Variants in E2F2 observed in about 807,000 individuals in gnomAD.
The protein encoded by E2F2 is transcription factor E2F2.
E2F2 carries 22 observed loss-of-function variants against 42.2 expected under a neutral mutation model. That is an observed-to-expected ratio of 0.52 (90% CI 0.37 to 0.74). The LOEUF is 0.74. Among genes scored for constraint, E2F2 ranks in the 30% least tolerant of loss-of-function variants. The pLI, the probability that E2F2 is intolerant of heterozygous loss-of-function variation, is 0.00. For missense variants in E2F2, 481 were observed against 557.8 expected (o/e 0.86, Z 1.39); for synonymous variants, 248 against 251.6 (o/e 0.99, Z 0.13).
chr1:23,506,569 CT>C lies in E2F2; in HGVS notation c.*3310del, dbSNP rs1216427434. 6.6e-6 allele frequency: 1 copy of C among 152,306 alleles called. No homozygotes were observed. Among genetic ancestry groups the C allele is most frequent in the African/African-American group, 2.4e-5 (1 of 41,470 alleles). 9.4% of individuals were successfully genotyped at this position (152,306 alleles called of 1,614,324 possible). On this transcript the variant is annotated 3_prime_UTR_variant, in exon 7 of 7. Transcript: ENST00000361729. ...AGTCCCAGCACGGGGACCATGTTCT[CT>C]CGGTTCCAGCTCACCCTCGAAAAGT...
intron 5 of E2F2, among the ~76,000 whole-genome samples, chr1:23,517,817 T>C (rs1179522591): frequency 6.6e-6 from 1 of 152,144 alleles, no homozygotes; most frequent in East Asian, 1.9e-4. Context: ...GTAGGATGAA[T>C]AGCGGTAAAT....
chr1:23,516,303 C>G, intron 6 of E2F2, 32 bp downstream of exon 6: 2 of 1,452,934 alleles, frequency 1.4e-6, no homozygotes, highest in Non-Finnish European at 1.8e-6. Context: ...GTCTCTCCCC[C>G]CACCTCCTGT....
In E2F2 at chr1:23,530,865, C is replaced by T. The variant is rs944274893; in HGVS notation, c.-72G>A. 7.1e-7 allele frequency: 1 copy of T among 1,408,612 alleles called. No homozygotes were observed. The highest frequency in any genetic ancestry group is 2.7e-5 in the East Asian group (1 of 37,532). The allele number at this position is 1,408,612 out of a possible 1,614,324, so 87.3% of individuals were successfully genotyped here. On this transcript the variant is annotated 5_prime_UTR_variant, in exon 1 of 7. Coordinates refer to ENST00000361729, the MANE Select transcript of E2F2 (RefSeq NM_004091.4). This position sits in a 1 kb window ranked among gnomAD's most constrained non-coding sequence, Gnocchi z 4.4. ...ACACCTGCGGGTTCCGGTGCTGCCG[C>T]CTTTCACACGGCCCGCGGCATGGCG...
At chr1:23,516,810 G>GGGGGC (rs1643032331) in intron 5 of E2F2, among the ~76,000 whole-genome samples, 1 of 132,670 alleles carries the variant, frequency 7.5e-6, no homozygotes, top group African/African-American at 2.6e-5. Flanking sequence ...GGGGGGGGGG[G>GGGGGC]GCAGCACCCT....
intron 6 of E2F2, among the ~76,000 whole-genome samples, chr1:23,515,982 G>C (rs917181139): frequency 6.6e-6 from 1 of 152,172 alleles, no homozygotes; most frequent in Non-Finnish European, 1.5e-5. Flanking sequence ...GATTATAGGC[G>C]TGAGCTATAT....
chr1:23,509,568 G>T lies in E2F2; in HGVS notation c.*312C>A, dbSNP rs1002873666. ...CCTAATTACCCCTCAAAAGGAGGTAGCAGGGCCTTTCCCTGGACTTGGCCA... is the reference window on the plus strand; with the variant it reads ...CCTAATTACCCCTCAAAAGGAGGTATCAGGGCCTTTCCCTGGACTTGGCCA... On this transcript the variant is annotated 3_prime_UTR_variant, in exon 7 of 7. Transcript: ENST00000361729. The T allele has an allele frequency of 1.0e-4, 29 of 287,948 alleles. No individual in the cohort carries two copies. The highest frequency in any genetic ancestry group is 5.6e-4 in the African/African-American group (26 of 46,148). 17.8% of individuals were successfully genotyped at this position (287,948 alleles called of 1,614,324 possible).
intron 1 of E2F2, among the ~76,000 whole-genome samples, chr1:23,528,827 C>G (rs1380677188): frequency 6.6e-6 from 1 of 152,146 alleles, no homozygotes; most frequent in African/African-American, 2.4e-5. Flanking sequence ...GGAGAGTGGG[C>G]CTGCCGCAAA....
rs774857226 is a variant in E2F2, at chr1:23,509,859, G to T, written c.*21C>A. The T allele has an allele frequency of 4.6e-6, 7 of 1,522,816 alleles. No individual in the cohort carries two copies. Among genetic ancestry groups the T allele is most frequent in the East Asian group, 2.4e-5 (1 of 42,152 alleles). The allele number at this position is 1,522,816 out of a possible 1,614,324, so 94.3% of individuals were successfully genotyped here. A position where few individuals can be genotyped will look rare whatever the true frequency, so the allele number is the denominator to read the frequency against. ...GAGGAGGTAGAGTCGGGGGCAGGCTGCTGGGGGCAGGCAGGGCCACTCAAT... is the reference window on the plus strand; with the variant it reads ...GAGGAGGTAGAGTCGGGGGCAGGCTTCTGGGGGCAGGCAGGGCCACTCAAT... On this transcript the variant is annotated 3_prime_UTR_variant, in exon 7 of 7. Transcript: ENST00000361729.
At chr1:23,528,262 G>A (rs1203240153) in intron 1 of E2F2, among the ~76,000 whole-genome samples, 1 of 152,226 alleles carries the variant, frequency 6.6e-6, no homozygotes. Flanking sequence ...GAACTTGGTT[G>A]CCATCCTTGG....
At chr1:23,512,117 G>A (rs1642920760) in intron 6 of E2F2, among the ~76,000 whole-genome samples, 1 of 152,154 alleles carries the variant, frequency 6.6e-6, no homozygotes. Context: ...AGAATCATTG[G>A]AACCCAGGAG....
intron 1 of E2F2, among the ~76,000 whole-genome samples, chr1:23,527,475 GAGTAC>G (rs2124269564): frequency 6.6e-6 from 1 of 152,334 alleles, no homozygotes; most frequent in East Asian, 1.9e-4. Flanking sequence ...CTATGGAGAA[GAGTAC>G]AGCTCCTTCC....
intron 5 of E2F2, among the ~76,000 whole-genome samples, chr1:23,517,832 CAG>C (rs1196998491): frequency 6.6e-6 from 1 of 152,246 alleles, no homozygotes; most frequent in African/African-American, 2.4e-5. Context: ...GTAAATCAGG[CAG>C]AGAGGGAAGA....
Position 23,530,969 on chromosome 1 carries a change from G to A in E2F2, c.-176C>T. 1.4e-6 allele frequency: 1 copy of A among 728,566 alleles called. No individual in the cohort carries two copies. The allele number at this position is 728,566 out of a possible 1,614,324, so 45.1% of individuals were successfully genotyped here. A position where few individuals can be genotyped will look rare whatever the true frequency, so the allele number is the denominator to read the frequency against. The stretch of plus-strand genomic sequence containing the variant: ...CCCTCCTGGCCCGCGGCCGAGCAGA[G>A]AGCAGCGCTTAGAGATCGCCGCTTG... On this transcript the variant is annotated 5_prime_UTR_variant, in exon 1 of 7. Transcript: ENST00000361729. This position sits in a 1 kb window ranked among gnomAD's most constrained non-coding sequence, Gnocchi z 4.4.
intron 2 of E2F2, 145 bp from the exon 3 acceptor site, chr1:23,522,201 C>T: frequency 1.4e-6 from 1 of 713,004 alleles, no homozygotes; most frequent in Non-Finnish European, 2.3e-6. Context: ...CATCCATCAC[C>T]ACCACTGTCC....
chr1:23,509,924 C>T lies in E2F2; in HGVS notation c.1270G>A (p.Asp424Asn), dbSNP rs1223287456. The T allele has an allele frequency of 1.3e-6, 2 of 1,595,176 alleles. No individual in the cohort carries two copies. The highest frequency in any genetic ancestry group is 8.6e-7 in the Non-Finnish European group (1 of 1,169,458). ...WGLEAGEGIS[D>N]LFDSYDLGDL... The stretch of plus-strand genomic sequence containing the variant: ...CCAAGGTCGTAGGAGTCGAAGAGAT[C>T]GCTGATGCCCTCACCCGCCTCCAAG... The change falls in exon 7 of 7, where the codon GAT (aspartate) becomes AAT (asparagine). Residue 424 changes from aspartate (D) to asparagine (N), a missense_variant. Transcript: ENST00000361729.
intron 3 of E2F2, among the ~76,000 whole-genome samples, 182 bp from the exon 4 acceptor site, chr1:23,521,253 A>T (rs1442514991): frequency 6.6e-6 from 1 of 152,302 alleles, no homozygotes; most frequent in African/African-American, 2.4e-5. Flanking sequence ...AGAAAAAACA[A>T]GTCAAGACCT....
rs1209459007 is a variant in E2F2 at position 23,530,954 on chromosome 1, C to A, written c.-161G>T. On this transcript the variant is annotated 5_prime_UTR_variant, in exon 1 of 7. Coordinates refer to ENST00000361729, the MANE Select transcript of E2F2 (RefSeq NM_004091.4). The surrounding 1 kb of genome is among the most constrained non-coding windows in gnomAD (Gnocchi z 4.4). ...CAAGGCCGGACCCTCCCCTCCTGGCCCGCGGCCGAGCAGAGAGCAGCGCTT... is the reference window on the plus strand; with the variant it reads ...CAAGGCCGGACCCTCCCCTCCTGGCACGCGGCCGAGCAGAGAGCAGCGCTT... 3.3e-6 allele frequency: 3 copies of A among 908,580 alleles called. No individual in the cohort carries two copies. Among genetic ancestry groups the A allele is most frequent in the Non-Finnish European group, 4.6e-6 (3 of 650,986 alleles). The allele number at this position is 908,580 out of a possible 1,614,324, so 56.3% of individuals were successfully genotyped here. A position where few individuals can be genotyped will look rare whatever the true frequency, so the allele number is the denominator to read the frequency against.
intron 6 of E2F2, among the ~76,000 whole-genome samples, chr1:23,516,037 C>G (rs922329951): frequency 2.0e-5 from 3 of 152,130 alleles, no homozygotes; most frequent in African/African-American, 7.2e-5. Context: ...ATTACTGCGC[C>G]CAACTCACAG....
chr1:23,521,478 T>C (rs1643145546), intron 3 of E2F2: 4 of 914,434 alleles, frequency 4.4e-6, no homozygotes, highest in Non-Finnish European at 5.2e-6. Context: ...ATCCCCCTAC[T>C]TAGCTCCCAG....
Sources: gnomAD v4.1 joint callset for allele counts (sites outside exome capture counted in the v4.1 genomes callset) on GRCh38, gnomAD v4.1.1 for gene constraint, Gnocchi (gnomAD v3.1) non-coding constraint, MANE v1.5 for transcripts, NCBI Gene and HGNC (gene_info 2026-07-23, HGNC 2026-07-21) for gene names.